EDIL3: variants seen among roughly 807,000 people sequenced by gnomAD.
EDIL3 encodes EGF-like repeat and discoidin I-like domain-containing protein 3.
In EDIL3, 37 loss-of-function variants were observed where a neutral mutation model predicts 67.4. The ratio of observed to expected loss-of-function variants is 0.55; its 90% CI spans 0.42 to 0.72. The LOEUF (loss-of-function observed/expected upper bound fraction) is 0.72. Among genes scored for constraint, EDIL3 ranks in the 30% least tolerant of loss-of-function variants. The pLI is 0.00. For missense variants in EDIL3, 527 were observed against 586.3 expected (o/e 0.90, Z 1.04); for synonymous variants, 195 against 196.3 (o/e 0.99, Z 0.05).
chr5:84,100,000 G>A (rs1257670508), intron 6 of EDIL3, among the ~76,000 whole-genome samples: 1 of 152,076 alleles, frequency 6.6e-6, no homozygotes, highest in Admixed American at 6.6e-5. Context: ...CTAGTCATTA[G>A]AAAAGTAGAA....
At chr5:84,053,740 C>T (rs1746386523) in intron 9 of EDIL3, among the ~76,000 whole-genome samples, 1 of 152,208 alleles carries the variant, frequency 6.6e-6, no homozygotes, top group Non-Finnish European at 1.5e-5. Context: ...CACATACACT[C>T]TCCCAAGACT....
At chr5:84,180,845 G>C (rs1285105928) in intron 3 of EDIL3, among the ~76,000 whole-genome samples, 2 of 152,134 alleles carry the variant, frequency 1.3e-5, no homozygotes, top group Non-Finnish European at 2.9e-5. Context: ...ACCCAGAACA[G>C]TGTCTGTCAC....
intron 1 of EDIL3, among the ~76,000 whole-genome samples, chr5:84,383,192 A>C (rs1433734888): frequency 2.6e-5 from 4 of 152,130 alleles, no homozygotes; most frequent in Non-Finnish European, 5.9e-5. Context: ...TTACCCGCGG[A>C]TCCCTCACAA....
At chr5:84,239,954 A>C (rs1206773795) in intron 2 of EDIL3, among the ~76,000 whole-genome samples, 1 of 152,160 alleles carries the variant, frequency 6.6e-6, no homozygotes, top group African/African-American at 2.4e-5. Flanking sequence ...GTTTCTCATG[A>C]AATTTTCCAT....
At chr5:84,165,720 G>A (rs989677990) in intron 4 of EDIL3, among the ~76,000 whole-genome samples, 3 of 152,064 alleles carry the variant, frequency 2.0e-5, no homozygotes, top group African/African-American at 7.2e-5. Flanking sequence ...CACTGTTCAC[G>A]GCTCCTTCAT....
chr5:84,253,982 T>C (rs16901006), intron 2 of EDIL3, 102 bp downstream of exon 2: 132,112 of 1,236,042 alleles, frequency 0.11, 7,793 homozygotes, highest in African/African-American at 0.19. Flanking sequence ...TAGCAACATA[T>C]AGCAATTTTA....
chr5:84,219,644 G>A (rs534577894), intron 3 of EDIL3, among the ~76,000 whole-genome samples: 3 of 152,174 alleles, frequency 2.0e-5, no homozygotes, highest in Admixed American at 6.5e-5. Flanking sequence ...TCAGTATATC[G>A]AAGAGACAGC....
At chr5:84,240,445 C>T (rs1744773768) in intron 2 of EDIL3, among the ~76,000 whole-genome samples, 1 of 152,162 alleles carries the variant, frequency 6.6e-6, no homozygotes, top group Non-Finnish European at 1.5e-5. Flanking sequence ...TCTCCAACTT[C>T]CATGGGGCAT....
chr5:84,183,561 C>A (rs950788478), intron 3 of EDIL3, among the ~76,000 whole-genome samples: 4 of 151,964 alleles, frequency 2.6e-5, no homozygotes, highest in African/African-American at 9.7e-5. Flanking sequence ...AGGAAAAAAA[C>A]CAAATACGAA....
At chr5:84,316,701 C>T (rs1406702800) in intron 1 of EDIL3, among the ~76,000 whole-genome samples, 3 of 152,064 alleles carry the variant, frequency 2.0e-5, no homozygotes, top group Admixed American at 6.6e-5. Flanking sequence ...GACAGATCAA[C>T]GAGACAGAAA....
chr5:84,346,362 G>GT (rs1422982085), intron 1 of EDIL3, among the ~76,000 whole-genome samples: 1 of 151,916 alleles, frequency 6.6e-6, no homozygotes, highest in Non-Finnish European at 1.5e-5. Flanking sequence ...AATGCAGCCA[G>GT]TGACGATACA....
chr5:84,188,004 T>C (rs72776533), intron 3 of EDIL3, among the ~76,000 whole-genome samples: 182 of 152,090 alleles, frequency 1.2e-3, no homozygotes, highest in Non-Finnish European at 1.9e-3. Context: ...AATCAGTAAA[T>C]TTAATATATT....
intron 1 of EDIL3, among the ~76,000 whole-genome samples, chr5:84,315,425 T>A (rs570531782): frequency 2.6e-4 from 39 of 152,320 alleles, no homozygotes; most frequent in African/African-American, 8.9e-4. Flanking sequence ...CACCCAGGTC[T>A]CAGGCTTACA....
intron 3 of EDIL3, among the ~76,000 whole-genome samples, chr5:84,221,581 G>A (rs1362603349): frequency 1.3e-5 from 2 of 151,970 alleles, no homozygotes; most frequent in Non-Finnish European, 2.9e-5. Context: ...GGAAACGTAA[G>A]CACTATTTGG....
rs936331913 is a variant in EDIL3 at position 84,177,295 on chromosome 5, A to G, written c.355+3098T>C. Among the ~76,000 whole-genome samples the G allele has an allele frequency of 4.6e-5, 7 of 152,334 alleles. No homozygotes were observed. The South Asian group carries it at 1.4e-3, about 32-fold the overall frequency. On this transcript the variant is annotated intron_variant, in intron 4 of 10. Coordinates refer to ENST00000296591, the MANE Select transcript of EDIL3 (RefSeq NM_005711.5). ...ACTATTAAGTCCTAAAAACACACGGAGGAACCTTAAATACATTGATAAGTG... is the reference window on the plus strand; with the variant it reads ...ACTATTAAGTCCTAAAAACACACGGGGGAACCTTAAATACATTGATAAGTG...
At chr5:84,043,869 G>A (rs1746175100) in intron 9 of EDIL3, among the ~76,000 whole-genome samples, 1 of 152,090 alleles carries the variant, frequency 6.6e-6, no homozygotes, top group Non-Finnish European at 1.5e-5. Context: ...GGTTCCTATA[G>A]GATATTAGGG....
intron 3 of EDIL3, among the ~76,000 whole-genome samples, chr5:84,217,140 CAA>C (rs33931531): frequency 0.47 from 64,553 of 135,946 alleles, 14,418 homozygotes; most frequent in East Asian, 0.54. Flanking sequence ...CAAGGACAGC[CAA>C]AAAAAAAAAA....
chr5:84,045,514 G>GA (rs966247533), intron 9 of EDIL3, among the ~76,000 whole-genome samples: 16 of 149,926 alleles, frequency 1.1e-4, no homozygotes, highest in South Asian at 6.3e-4. Flanking sequence ...CTCTTCTAGT[G>GA]AAAAAAAAAT....
intron 9 of EDIL3, among the ~76,000 whole-genome samples, chr5:84,002,641 T>A (rs1301830539): frequency 2.0e-5 from 3 of 152,178 alleles, no homozygotes; most frequent in Non-Finnish European, 4.4e-5. Flanking sequence ...ATGCCAACAG[T>A]GAAATACCTG....
Sources: allele counts gnomAD v4.1 joint callset (sites outside exome capture counted in the v4.1 genomes callset), GRCh38; gene constraint gnomAD v4.1.1; transcripts MANE v1.5; gene names NCBI Gene and HGNC (gene_info 2026-07-23, HGNC 2026-07-21).